Variants in IL1RAPL1 observed in about 807,000 individuals in gnomAD.
The protein encoded by IL1RAPL1 is interleukin-1 receptor accessory protein-like 1.
IL1RAPL1 carries 3 observed loss-of-function variants against 48.4 expected under a neutral mutation model. The observed-to-expected ratio is 0.06, with a 90% CI of 0.03 to 0.16. The LOEUF is 0.16. Among genes scored for constraint, IL1RAPL1 ranks in the 10% least tolerant of loss-of-function variants. The pLI is 1.00. For missense variants in IL1RAPL1, 349 were observed against 530.6 expected (o/e 0.66, Z 3.36); for synonymous variants, 185 against 187.7 (o/e 0.99, Z 0.12).
chrX:28,804,526 C>T (rs1227888619), intron 2 of IL1RAPL1, among the ~76,000 whole-genome samples: 3 of 111,280 alleles, frequency 2.7e-5, no homozygotes, highest in Non-Finnish European at 5.7e-5. Flanking sequence ...TCTTGCTGTT[C>T]CCAGCTTCTA....
chrX:29,105,506 C>T (rs943767388), intron 2 of IL1RAPL1, among the ~76,000 whole-genome samples: 2 of 112,091 alleles, frequency 1.8e-5, no homozygotes, highest in African/African-American at 6.5e-5. Context: ...CAGATAATCA[C>T]AGAAGTTGCC....
At chrX:28,971,136 G>C (rs1156599371) in intron 2 of IL1RAPL1, among the ~76,000 whole-genome samples, 6 of 111,091 alleles carry the variant, frequency 5.4e-5, no homozygotes, top group Non-Finnish European at 1.1e-4. Flanking sequence ...GGGTATGATG[G>C]ATTACCTGTT....
intron 6 of IL1RAPL1, among the ~76,000 whole-genome samples, chrX:29,691,010 A>G (rs1926757171): frequency 1.0e-5 from 1 of 98,751 alleles, no homozygotes; most frequent in African/African-American, 3.6e-5. Flanking sequence ...ATAGAAAAAA[A>G]GTTAATTGAT....
chrX:29,893,128 C>T (rs181547488), intron 6 of IL1RAPL1, among the ~76,000 whole-genome samples: 45 of 111,687 alleles, frequency 4.0e-4, no homozygotes, highest in Non-Finnish European at 7.7e-4. Context: ...AGCTGTTGCT[C>T]TGTGCTAACT....
intron 2 of IL1RAPL1, among the ~76,000 whole-genome samples, chrX:28,848,183 G>A (rs745769347): frequency 9.2e-4 from 102 of 111,004 alleles, no homozygotes; most frequent in African/African-American, 3.0e-3. Context: ...GGAAAGGGGA[G>A]GGAGAGCATT....
chrX:29,364,893 A>G (rs1378074200), intron 3 of IL1RAPL1, among the ~76,000 whole-genome samples: 1 of 111,765 alleles, frequency 8.9e-6, no homozygotes, highest in Non-Finnish European at 1.9e-5. Flanking sequence ...ATAGACTTTT[A>G]TATATGTATA....
In IL1RAPL1 at chrX:28,595,405, T is replaced by C. The variant is rs189553286; in HGVS notation, c.-25+7358T>C. Among the ~76,000 whole-genome samples, 17 of 112,553 alleles carry C rather than the reference T, an allele frequency of 1.5e-4. No homozygotes were observed. In the East Asian group the frequency reaches 4.2e-3, roughly 28 times the overall value. ...TAACAGGCTTTATCCCTTTGTATTA[T>C]AATAGTGACATTTCTAGAAAAGATG... On this transcript the variant is annotated intron_variant, in intron 1 of 10. Coordinates refer to ENST00000378993, the MANE Select transcript of IL1RAPL1 (RefSeq NM_014271.4).
At chrX:28,849,454 A>T (rs1921601471) in intron 2 of IL1RAPL1, among the ~76,000 whole-genome samples, 2 of 112,097 alleles carry the variant, frequency 1.8e-5, no homozygotes, top group African/African-American at 6.5e-5. Context: ...CTAGAAAATC[A>T]TATGAAAGAT....
intron 6 of IL1RAPL1, among the ~76,000 whole-genome samples, chrX:29,759,932 T>A (rs770818120): frequency 9.0e-6 from 1 of 111,663 alleles, no homozygotes; most frequent in South Asian, 3.8e-4. Context: ...CTTAAATGAC[T>A]CTGTTTCTAG....
chrX:29,562,066 ATCT>A (rs1435538986), intron 5 of IL1RAPL1, among the ~76,000 whole-genome samples: 3 of 101,910 alleles, frequency 2.9e-5, no homozygotes, highest in African/African-American at 1.2e-4. Context: ...CTATCTATCT[ATCT>A]ATCTATCTAT....
chrX:29,623,291 A>AG (rs1395597454), intron 5 of IL1RAPL1, among the ~76,000 whole-genome samples: 1 of 109,961 alleles, frequency 9.1e-6, no homozygotes, highest in Non-Finnish European at 1.9e-5. Flanking sequence ...CAAAAAAAAA[A>AG]AAAGAAAGAA....
intron 3 of IL1RAPL1, among the ~76,000 whole-genome samples, chrX:29,381,836 ATATATATAT>A (rs1569299189): frequency 5.0e-4 from 14 of 27,762 alleles, no homozygotes; most frequent in African/African-American, 1.1e-3. Flanking sequence ...AAAAAAAAAT[ATATATATAT>A]ATATATATAT....
chrX:29,041,069 C>A (rs1926835977), intron 2 of IL1RAPL1, among the ~76,000 whole-genome samples: 1 of 111,946 alleles, frequency 8.9e-6, no homozygotes, highest in Admixed American at 9.5e-5. Context: ...TTAATGATAG[C>A]TGTGTTATCA....
chrX:29,361,006 T>C (rs1039585332), intron 3 of IL1RAPL1, among the ~76,000 whole-genome samples: 2 of 111,665 alleles, frequency 1.8e-5, no homozygotes, highest in African/African-American at 6.5e-5. Context: ...GAAAAATCAA[T>C]CTAATTTTAA....
intron 5 of IL1RAPL1, among the ~76,000 whole-genome samples, chrX:29,444,545 C>T (rs767660160): frequency 9.1e-6 from 1 of 109,627 alleles, no homozygotes; most frequent in Non-Finnish European, 1.9e-5. Context: ...AAACCTATCA[C>T]ACTAATATAG....
intron 2 of IL1RAPL1, among the ~76,000 whole-genome samples, chrX:29,191,618 G>A (rs764966597): frequency 9.0e-6 from 1 of 111,644 alleles, no homozygotes; most frequent in South Asian, 3.8e-4. Flanking sequence ...ACCAGGTTTT[G>A]GATTCCTTAT....
chrX:29,259,594 G>A (rs972562828), intron 2 of IL1RAPL1, among the ~76,000 whole-genome samples: 3 of 110,637 alleles, frequency 2.7e-5, no homozygotes, highest in African/African-American at 9.8e-5. Flanking sequence ...GATTAATCAT[G>A]ATTTTAAAAT....
chrX:29,183,572 C>A (rs1169654718), intron 2 of IL1RAPL1, among the ~76,000 whole-genome samples: 1 of 112,249 alleles, frequency 8.9e-6, no homozygotes, highest in Admixed American at 9.5e-5. Flanking sequence ...CCCTGTGGTA[C>A]AAACTGTCAT....
intron 1 of IL1RAPL1, among the ~76,000 whole-genome samples, chrX:28,612,960 T>C (rs1039034376): frequency 8.0e-5 from 9 of 111,974 alleles, no homozygotes; most frequent in South Asian, 3.7e-4. Context: ...ATCAAAAATA[T>C]CTTGGGCAAA....
Sources: allele counts gnomAD v4.1 joint callset (sites outside exome capture counted in the v4.1 genomes callset), GRCh38; gene constraint gnomAD v4.1.1; transcripts MANE v1.5; gene names NCBI Gene and HGNC (gene_info 2026-07-23, HGNC 2026-07-21).